The following CACNA1E variants were observed in gnomAD, a reference collection of about 807,000 sequenced individuals.
CACNA1E encodes calcium voltage-gated channel subunit alpha1 E.
A neutral mutation model predicts 259.2 loss-of-function variants in CACNA1E; 40 were observed. The observed-to-expected ratio is 0.15, with a 90% CI of 0.12 to 0.20. The LOEUF (loss-of-function observed/expected upper bound fraction) is 0.20. Ranked by LOEUF, CACNA1E falls within the 10% of genes least tolerant of loss-of-function variation. The pLI, the probability that CACNA1E is intolerant of heterozygous loss-of-function variation, is 1.00. For synonymous variants in CACNA1E, 1,104 were observed against 1,138.5 expected (o/e 0.97, Z 0.61); for missense variants, 1,874 against 3,040.1 (o/e 0.62, Z 9.02).
chr1:181,632,106 G>A (rs1433768627), intron 6 of CACNA1E, among the ~76,000 whole-genome samples: 1 of 138,580 alleles, frequency 7.2e-6, no homozygotes, highest in Non-Finnish European at 1.6e-5. Flanking sequence ...TGAATAAGCT[G>A]ATGCAATATT....
At chr1:181,527,173 A>G (rs769918511) in intron 3 of CACNA1E, among the ~76,000 whole-genome samples, 3 of 152,242 alleles carry the variant, frequency 2.0e-5, no homozygotes, top group African/African-American at 4.8e-5. Context: ...TTATTTCTCA[A>G]CATTCTGGAG....
At chr1:181,346,900 C>T (rs554238414) in intron 1 of CACNA1E, among the ~76,000 whole-genome samples, 38 of 152,232 alleles carry the variant, frequency 2.5e-4, no homozygotes, top group African/African-American at 8.9e-4. Flanking sequence ...AAGCAAACCC[C>T]GGGTGGTGTG....
intron 1 of CACNA1E, among the ~76,000 whole-genome samples, chr1:181,339,960 A>C (rs1652018486): frequency 6.6e-6 from 1 of 151,980 alleles, no homozygotes; most frequent in Admixed American, 6.6e-5. Context: ...GACAGTTTTT[A>C]CACTTTCATA....
At position 181,651,472 on chromosome 1, in the gene CACNA1E, A is replaced by T. The variant is rs754194469; in HGVS notation, c.1055+31A>T. 4.2e-5 allele frequency: 61 copies of T among 1,461,414 alleles called. No homozygotes were observed. In the Admixed American group the frequency reaches 1.0e-3, roughly 24 times the overall value. The allele number at this position is 1,461,414 out of a possible 1,614,324, so 90.5% of individuals were successfully genotyped here. ...CCAGATGTTTCTCTCTTCTTAACTCATTTGCTGACTGCTAACTGTAAACTA... is the reference window on the plus strand; with the variant it reads ...CCAGATGTTTCTCTCTTCTTAACTCTTTTGCTGACTGCTAACTGTAAACTA... On this transcript the variant is annotated intron_variant, in intron 7 of 47. Coordinates refer to ENST00000367573, the MANE Select transcript of CACNA1E (RefSeq NM_001205293.3).
Position 181,755,035 on chromosome 1 carries a change from G to A in CACNA1E, c.3829-202G>A, listed in dbSNP as rs73045129. Among the ~76,000 whole-genome samples the A allele has an allele frequency of 0.027, 4,141 of 152,210 alleles. 88 individuals carry two copies. The highest frequency in any genetic ancestry group is 0.06 in the African/African-American group (2,482 of 41,520). ...TTTCAGAACATGTGTTCCCATCCCA[G>A]GTGGTAGGTCCTTGCAGTCATAACC... On this transcript the variant is annotated intron_variant, in intron 27 of 47. Coordinates refer to ENST00000367573, the MANE Select transcript of CACNA1E (RefSeq NM_001205293.3).
intron 1 of CACNA1E, among the ~76,000 whole-genome samples, chr1:181,360,777 T>G (rs1293786071): frequency 6.6e-6 from 1 of 152,188 alleles, no homozygotes; most frequent in Non-Finnish European, 1.5e-5. Context: ...AAAAAAACCC[T>G]CACAATCTTC....
At chr1:181,494,220 A>AG (rs777410265) in intron 1 of CACNA1E, among the ~76,000 whole-genome samples, 49 of 152,234 alleles carry the variant, frequency 3.2e-4, no homozygotes, top group African/African-American at 9.9e-4. Context: ...CCTGCAAGGG[A>AG]GGGGGGACGT....
At chr1:181,771,057 G>C (rs1341946043) in intron 35 of CACNA1E, among the ~76,000 whole-genome samples, 1 of 152,182 alleles carries the variant, frequency 6.6e-6, no homozygotes, top group Admixed American at 6.5e-5. Flanking sequence ...TGCGTTCTAC[G>C]TTATGCTTGG....
intron 1 of CACNA1E, among the ~76,000 whole-genome samples, chr1:181,387,599 C>T (rs1242589769): frequency 2.0e-5 from 3 of 152,280 alleles, no homozygotes; most frequent in African/African-American, 7.2e-5. Flanking sequence ...GCCCACGACA[C>T]GGTGCCCAGG....
intron 3 of CACNA1E, among the ~76,000 whole-genome samples, chr1:181,561,609 A>AT (rs1649335082): frequency 6.6e-6 from 1 of 152,182 alleles, no homozygotes; most frequent in African/African-American, 2.4e-5. Flanking sequence ...GTTGCTGCAT[A>AT]TATCTGTAGT....
chr1:181,754,475 T>G (rs984032099), intron 27 of CACNA1E, among the ~76,000 whole-genome samples: 3 of 152,206 alleles, frequency 2.0e-5, no homozygotes, highest in Non-Finnish European at 2.9e-5. Context: ...TGCCCTGCAA[T>G]GTATTGAATT....
At chr1:181,348,388 C>T (rs1329477352) in intron 1 of CACNA1E, among the ~76,000 whole-genome samples, 1 of 152,144 alleles carries the variant, frequency 6.6e-6, no homozygotes, top group African/African-American at 2.4e-5. Flanking sequence ...CCCTCCCCTT[C>T]CCCACATCTA....
chr1:181,736,933 G>A (rs560576439), intron 22 of CACNA1E, among the ~76,000 whole-genome samples: 15 of 152,246 alleles, frequency 9.9e-5, no homozygotes, highest in South Asian at 8.3e-4. Flanking sequence ...GTGACAGAGC[G>A]GAGTCTGGAA....
chr1:181,355,567 G>A (rs115938559), intron 1 of CACNA1E, among the ~76,000 whole-genome samples: 2,878 of 151,428 alleles, frequency 0.019, 38 homozygotes, highest in Non-Finnish European at 0.031. Flanking sequence ...CAGTCTGGGT[G>A]ACAGAGTGAG....
chr1:181,656,363 T>C (rs1028244328), intron 7 of CACNA1E, among the ~76,000 whole-genome samples: 6 of 152,030 alleles, frequency 3.9e-5, no homozygotes, highest in African/African-American at 1.2e-4. Flanking sequence ...CCTAGGCTAG[T>C]GTGTGTGTTT....
chr1:181,425,699 C>A (rs930915997), intron 2 of CACNA1E, among the ~76,000 whole-genome samples: 3 of 152,102 alleles, frequency 2.0e-5, no homozygotes, highest in Non-Finnish European at 4.4e-5. Flanking sequence ...CCCACCTCAG[C>A]CGCTCATACC....
intron 6 of CACNA1E, among the ~76,000 whole-genome samples, chr1:181,645,936 C>A (rs1373294773): frequency 6.6e-6 from 1 of 152,148 alleles, no homozygotes; most frequent in African/African-American, 2.4e-5. Context: ...GAAATGGGAG[C>A]CTAGGGGAGG....
chr1:181,386,688 C>T (rs544659241), intron 1 of CACNA1E, among the ~76,000 whole-genome samples: 98 of 152,312 alleles, frequency 6.4e-4, no homozygotes, highest in Admixed American at 2.2e-3. Flanking sequence ...AATAGCTCCA[C>T]GTGGCTAGTA....
At position 181,798,429 on chromosome 1, in the gene CACNA1E, G is replaced by A. The variant is rs375338599; in HGVS notation, c.6537G>A (p.Ala2179=). The A allele has an allele frequency of 2.2e-4, 350 of 1,613,642 alleles. 1 individual carries two copies. In the African/African-American group the frequency reaches 3.6e-3, roughly 17 times the overall value. ...LLSYSSLIRH[A]GSISPPADGS... is the part of the protein sequence containing the mutation. ...CCTACAGCTCCCTGATTCGACACGC[G>A]GGCAGCATCTCTCCACCTGCTGATG... Residue 2179 remains alanine, a synonymous_variant, in exon 48 of 48, where the codon GCG becomes GCA. Transcript: ENST00000367573. The surrounding 1 kb of genome is among the most constrained non-coding windows in gnomAD (Gnocchi z 4.2).
Sources: allele counts gnomAD v4.1 joint callset (sites outside exome capture counted in the v4.1 genomes callset), GRCh38; gene constraint gnomAD v4.1.1; non-coding constraint Gnocchi (gnomAD v3.1); transcripts MANE v1.5; gene names NCBI Gene and HGNC (gene_info 2026-07-23, HGNC 2026-07-21).